VWA2: variants seen among roughly 807,000 people sequenced by gnomAD.
VWA2 encodes the protein von Willebrand factor A domain containing 2.
In VWA2, 73 loss-of-function variants were observed where a neutral mutation model predicts 70.4. The observed-to-expected ratio is 1.04, with a 90% CI of 0.86 to 1.26. The LOEUF (loss-of-function observed/expected upper bound fraction) is 1.26, where lower values mean the gene tolerates loss of function less well. VWA2 is among the 50% of genes most tolerant of loss of function. The pLI is 0.00. For missense variants in VWA2, 1,011 were observed against 998.5 expected (o/e 1.01, Z -0.17); for synonymous variants, 407 against 423.3 (o/e 0.96, Z 0.47).
In VWA2 at chr10:114,291,757, G is replaced by T. The variant is rs1889448; in HGVS notation, c.*520G>T. On this transcript the variant is annotated 3_prime_UTR_variant, in exon 14 of 14. Transcript: ENST00000392982. Reference sequence around the variant, plus strand: ...CCACTTCCCCAGAGACATTCTGGATGCATTTGCATTGAGTCTGAAAGGGGG... The same window carrying T: ...CCACTTCCCCAGAGACATTCTGGATTCATTTGCATTGAGTCTGAAAGGGGG... Among the ~76,000 whole-genome samples, 947 of 152,372 alleles carry T rather than the reference G, an allele frequency of 6.2e-3. 8 individuals are homozygous for T. Among genetic ancestry groups the T allele is most frequent in the African/African-American group, 0.022 (906 of 41,590 alleles).
chr10:114,269,887 G>A (rs2037669705), intron 5 of VWA2, among the ~76,000 whole-genome samples: 1 of 152,188 alleles, frequency 6.6e-6, no homozygotes, highest in South Asian at 2.1e-4. Flanking sequence ...GGGTAGAGGA[G>A]CAGGTTGCTT....
At position 114,272,921 on chromosome 10, in the gene VWA2, G is replaced by T; in HGVS notation, c.553G>T (p.Val185Phe). The change falls in exon 6 of 14, where the codon GTC (valine) becomes TTC (phenylalanine). Residue 185 changes from valine (V) to phenylalanine (F), a missense_variant. By Grantham distance (50) the Val-to-Phe change is conservative. Transcript: ENST00000392982. ...GGGTGTCACTGTGTTTGCTGTGGGG[G>T]TCAGGTTTCCCAGGTAAGAGCCTCA... ...ERGVTVFAVG[V>F]RFPRWEELHA... 6.2e-7 allele frequency: 1 copy of T among 1,611,542 alleles called. No individual in the cohort carries two copies. Among genetic ancestry groups the T allele is most frequent in the Non-Finnish European group, 8.5e-7 (1 of 1,178,656 alleles).
At chr10:114,279,137 G>A (rs552484776) in intron 8 of VWA2, among the ~76,000 whole-genome samples, 1 of 152,268 alleles carries the variant, frequency 6.6e-6, no homozygotes, top group East Asian at 1.9e-4. Context: ...CCTGCAGGGC[G>A]GTGGTCTGCA....
At chr10:114,251,254 C>T (rs2037189967) in intron 2 of VWA2, among the ~76,000 whole-genome samples, 1 of 152,246 alleles carries the variant, frequency 6.6e-6, no homozygotes, top group Non-Finnish European at 1.5e-5. Context: ...ACAGCAATCA[C>T]ACATGAAGCA....
At chr10:114,247,317 T>C (rs1485351881) in intron 1 of VWA2, among the ~76,000 whole-genome samples, 1 of 152,156 alleles carries the variant, frequency 6.6e-6, no homozygotes, top group East Asian at 1.9e-4. Flanking sequence ...TAACCACTTA[T>C]CTCCCATATG....
chr10:114,241,319 A>G (rs1362331000), intron 1 of VWA2, among the ~76,000 whole-genome samples: 1 of 152,184 alleles, frequency 6.6e-6, no homozygotes, highest in Non-Finnish European at 1.5e-5. Flanking sequence ...CTGCCATTAT[A>G]GTATCAAACA....
At chr10:114,282,985 T>C (rs1340176097) in intron 9 of VWA2, among the ~76,000 whole-genome samples, 2 of 152,178 alleles carry the variant, frequency 1.3e-5, no homozygotes, top group Non-Finnish European at 2.9e-5. Flanking sequence ...GTATATGAGG[T>C]CCTAGTGAAG....
intron 3 of VWA2, among the ~76,000 whole-genome samples, chr10:114,254,127 G>A (rs1159922879): frequency 2.0e-5 from 3 of 151,508 alleles, no homozygotes; most frequent in South Asian, 2.1e-4. Flanking sequence ...GCTGGAGTGC[G>A]ATGGCATAAT....
At chr10:114,249,903 T>A (rs2037159836) in intron 2 of VWA2, among the ~76,000 whole-genome samples, 1 of 152,158 alleles carries the variant, frequency 6.6e-6, no homozygotes, top group South Asian at 2.1e-4. Context: ...CTGAGTCCCC[T>A]CTACGCCCTC....
chr10:114,287,000 C>G (rs2038981540), intron 11 of VWA2, among the ~76,000 whole-genome samples: 1 of 152,174 alleles, frequency 6.6e-6, no homozygotes, highest in African/African-American at 2.4e-5. Flanking sequence ...ACAACTGAAA[C>G]AAACGCTTCC....
At chr10:114,262,455 C>A (rs1429720963) in intron 5 of VWA2, among the ~76,000 whole-genome samples, 1 of 152,052 alleles carries the variant, frequency 6.6e-6, no homozygotes, top group Non-Finnish European at 1.5e-5. Context: ...TTGATTTGCC[C>A]CTTGCCACTC....
In VWA2 at chr10:114,246,505, C is replaced by CAAAAAAAAAAAAAAAAAAA. The variant is rs570510812; in HGVS notation, c.-10-2197_-10-2179dup. ...AACAAGAGTGAAAGAAACTCCATCT[C>CAAAAAAAAAAAAAAAAAAA]AAAAAAAAAAAAAAAAAAAACGAGT... On this transcript the variant is annotated intron_variant, in intron 1 of 13. Transcript: ENST00000392982. 520 of 384,818 alleles carry CAAAAAAAAAAAAAAAAAAA rather than the reference C, an allele frequency of 1.4e-3. 9 individuals carry two copies. The highest frequency in any genetic ancestry group is 2.9e-3 in the Middle Eastern group (4 of 1,362). The allele number at this position is 384,818 out of a possible 1,614,324, so 23.8% of individuals were successfully genotyped here.
In VWA2 at chr10:114,281,722, C is replaced by A. The variant is rs75467330; in HGVS notation, c.834-794C>A. On this transcript the variant is annotated intron_variant, in intron 8 of 13. Coordinates refer to ENST00000392982, the MANE Select transcript of VWA2 (RefSeq NM_001272046.2). ...GTGGAGGGGCGGGGCTGGGGCACTGCGGGAGGCCTGGAGCCTTGCTCCTTC... is the reference window on the plus strand; with the variant it reads ...GTGGAGGGGCGGGGCTGGGGCACTGAGGGAGGCCTGGAGCCTTGCTCCTTC... The A allele has an allele frequency of 1.2e-3, 1,188 of 985,302 alleles. 9 individuals are homozygous for A. In the African/African-American group the frequency reaches 0.019, roughly 16 times the overall value. The allele number at this position is 985,302 out of a possible 1,614,324, so 61.0% of individuals were successfully genotyped here.
intron 2 of VWA2, among the ~76,000 whole-genome samples, chr10:114,252,137 TC>T (rs2037209843): frequency 6.6e-6 from 1 of 152,214 alleles, no homozygotes; most frequent in Non-Finnish European, 1.5e-5. Context: ...CCTGCCTCTG[TC>T]CCAATAAATG....
At chr10:114,282,487 G>C (rs2038278804) in intron 8 of VWA2, 29 bp from the exon 9 acceptor site, 1 of 1,603,200 alleles carries the variant, frequency 6.2e-7, no homozygotes, top group East Asian at 2.2e-5. Flanking sequence ...CCTCTGATCT[G>C]TCTATAATTC....
intron 12 of VWA2, 120 bp downstream of exon 12, chr10:114,289,609 G>A: frequency 8.5e-7 from 1 of 1,171,836 alleles, no homozygotes; most frequent in Non-Finnish European, 1.2e-6. Context: ...TGCTTCCCAA[G>A]TGCCAGGTTC....
In VWA2 at chr10:114,284,932, G is replaced by A. The variant is rs764073583; in HGVS notation, c.959G>A (p.Cys320Tyr). 5.0e-6 allele frequency: 8 copies of A among 1,604,988 alleles called. No homozygotes were observed. The highest frequency in any genetic ancestry group is 6.8e-6 in the Non-Finnish European group (8 of 1,176,848). The change falls in exon 10 of 14, where the codon TGC (cysteine) becomes TAC (tyrosine). Residue 320 changes from cysteine to tyrosine, a missense_variant. Physicochemically the swap from Cys to Tyr is radical, Grantham distance 194. Coordinates refer to ENST00000392982, the MANE Select transcript of VWA2 (RefSeq NM_001272046.2). ...CVPEGLDGYQ[C>Y]LCPLAFGGEA... is the part of the protein sequence containing the mutation. The stretch of plus-strand genomic sequence containing the variant: ...CCAGAAGGACTGGACGGCTACCAGT[G>A]CCTCTGCCCGCTGGCCTTTGGAGGG...
rs755822113 is a variant in VWA2 at position 114,248,718 on chromosome 10, C to T, written c.5C>T (p.Pro2Leu). The change falls in exon 2 of 14, where the codon CCC becomes CTC. Residue 2 changes from proline to leucine, a missense_variant. Pro to Leu is a moderately conservative substitution (Grantham distance 98). Transcript: ENST00000392982. The stretch of plus-strand genomic sequence containing the variant: ...TGTCCCTGTAGTTATATCAACATGC[C>T]CCCTTTCCTGTTGCTGGAAGCCGTC... MPPFLLLEAVCV... is the reference protein window; with the variant it reads MLPFLLLEAVCV... 6.8e-6 allele frequency: 11 copies of T among 1,613,454 alleles called. No homozygotes were observed. The highest frequency in any genetic ancestry group is 9.3e-6 in the Non-Finnish European group (11 of 1,179,450).
chr10:114,252,005 C>T (rs1194043908), intron 2 of VWA2, among the ~76,000 whole-genome samples: 1 of 152,016 alleles, frequency 6.6e-6, no homozygotes, highest in Non-Finnish European at 1.5e-5. Context: ...TGGGGTTTCA[C>T]CCTGTTGGCC....
Sources: gnomAD v4.1 joint callset for allele counts (sites outside exome capture counted in the v4.1 genomes callset) on GRCh38, gnomAD v4.1.1 for gene constraint, MANE v1.5 for transcripts, NCBI Gene and HGNC (gene_info 2026-07-23, HGNC 2026-07-21) for gene names.